GABBR2: variants seen among roughly 807,000 people sequenced by gnomAD.
GABBR2 encodes the protein gamma-aminobutyric acid type B receptor subunit 2, also known as G-protein coupled receptor 51.
A neutral mutation model predicts 105.6 loss-of-function variants in GABBR2; 23 were observed. The ratio of observed to expected loss-of-function variants is 0.22; its 90% CI spans 0.16 to 0.31. The LOEUF (loss-of-function observed/expected upper bound fraction) is 0.31, where lower values mean the gene tolerates loss of function less well. GABBR2 is among the 10% of genes least tolerant of loss of function. The pLI is 1.00. For synonymous variants in GABBR2, 478 were observed against 499.7 expected, an observed-to-expected ratio of 0.96 and a Z score of 0.58; for missense variants, 734 against 1,245.5, an observed-to-expected ratio of 0.59 and a Z score of 6.18.
At chr9:98,532,509 T>G (rs1828086124) in intron 3 of GABBR2, among the ~76,000 whole-genome samples, 2 of 152,180 alleles carry the variant, frequency 1.3e-5, no homozygotes, top group Non-Finnish European at 2.9e-5. Context: ...GCCCAGGTGA[T>G]CCTGCAGCCA....
chr9:98,390,375 C>CAAAAAAAAAAAAA lies in GABBR2; in HGVS notation c.1379-1384_1379-1372dup, dbSNP rs61216428. Reference sequence around the variant, plus strand: ...GGTGACAGAGCAAGACTCCATCTCACAAAAAAAAAAAAAAAAAAAAAAAAA... The same window carrying CAAAAAAAAAAAAA: ...GGTGACAGAGCAAGACTCCATCTCACAAAAAAAAAAAAAAAAAAAAAAAAAAAAAAAAAAAAAA... On this transcript the variant is annotated intron_variant, in intron 9 of 18. Transcript: ENST00000259455. Among the ~76,000 whole-genome samples the CAAAAAAAAAAAAA allele has an allele frequency of 2.2e-3, 70 of 32,432 alleles. 10 individuals are homozygous for CAAAAAAAAAAAAA. Among genetic ancestry groups the CAAAAAAAAAAAAA allele is most frequent in the African/African-American group, 6.6e-3 (66 of 9,942 alleles). The allele number at this position is 32,432 out of a possible 152,430, so 21.3% of individuals were successfully genotyped here. A position where few individuals can be genotyped will look rare whatever the true frequency, so the allele number is the denominator to read the frequency against.
intron 5 of GABBR2, among the ~76,000 whole-genome samples, chr9:98,476,081 AC>A (rs1437822066): frequency 6.6e-6 from 1 of 152,160 alleles, no homozygotes; most frequent in Non-Finnish European, 1.5e-5. Flanking sequence ...AAACAAACAA[AC>A]AAAAAAACTC....
At chr9:98,364,145 G>A (rs1159927712) in intron 12 of GABBR2, among the ~76,000 whole-genome samples, 2 of 152,166 alleles carry the variant, frequency 1.3e-5, no homozygotes, top group African/African-American at 2.4e-5. Flanking sequence ...CTGGGGGCAG[G>A]GCACCGGCAA....
chr9:98,530,769 G>A (rs1037427927), intron 3 of GABBR2, among the ~76,000 whole-genome samples: 9 of 152,116 alleles, frequency 5.9e-5, no homozygotes, highest in Non-Finnish European at 1.5e-5. Context: ...GGATGATGGA[G>A]GGTAACCCCA....
intron 17 of GABBR2, among the ~76,000 whole-genome samples, chr9:98,294,668 G>T (rs530195445): frequency 1.0e-3 from 154 of 152,184 alleles, no homozygotes; most frequent in African/African-American, 3.5e-3. Flanking sequence ...AGTAGAGATG[G>T]GGTTTCACCA....
intron 10 of GABBR2, 99 bp from the exon 11 acceptor site, chr9:98,385,871 C>A (rs770107301): frequency 2.1e-6 from 2 of 957,478 alleles, no homozygotes; most frequent in African/African-American, 1.6e-5. Flanking sequence ...TATTGTTGCT[C>A]AGGCTAGAGG....
chr9:98,463,894 C>T lies in GABBR2; in HGVS notation c.999+9252G>A, dbSNP rs112464315. Among the ~76,000 whole-genome samples the T allele has an allele frequency of 8.2e-3, 1,255 of 152,318 alleles. 10 individuals carry two copies. The highest frequency in any genetic ancestry group is 0.011 in the Non-Finnish European group (743 of 68,040). Reference sequence around the variant, plus strand: ...CGGGTGATCTGCCCGCCTCGGCCTCCCAAGGTGCTGGGATTGCAGATGGAG... The same window carrying T: ...CGGGTGATCTGCCCGCCTCGGCCTCTCAAGGTGCTGGGATTGCAGATGGAG... On this transcript the variant is annotated intron_variant, in intron 6 of 18. Coordinates refer to ENST00000259455, the MANE Select transcript of GABBR2 (RefSeq NM_005458.8).
rs114617558 is a variant in GABBR2, at chr9:98,354,632, T to C, written c.1893+8083A>G. On this transcript the variant is annotated intron_variant, in intron 13 of 18. Transcript: ENST00000259455. ...TCATGAACCAGCCTCTGTTAGCTTT[T>C]AATTTTTCTTCTGCAACTTCCTCAC... is the stretch of plus-strand genomic sequence containing the variant. 8.4e-3 allele frequency among the ~76,000 whole-genome samples: 1,279 copies of C among 152,350 alleles called. 32 individuals carry two copies. The highest frequency in any genetic ancestry group is 0.029 in the African/African-American group (1,203 of 41,576).
intron 1 of GABBR2, among the ~76,000 whole-genome samples, chr9:98,578,276 C>A (rs974257570): frequency 6.6e-6 from 1 of 152,110 alleles, no homozygotes; most frequent in Non-Finnish European, 1.5e-5. Flanking sequence ...TCTCTGCTCC[C>A]GCTAAGTGCC....
intron 15 of GABBR2, among the ~76,000 whole-genome samples, chr9:98,304,905 A>G (rs10985800): frequency 0.054 from 8,253 of 151,590 alleles, 373 homozygotes; most frequent in Middle Eastern, 0.15. Context: ...CTGAGTAGCC[A>G]GGACTACAGG....
At chr9:98,673,703 C>A (rs1198795090) in intron 1 of GABBR2, among the ~76,000 whole-genome samples, 1 of 152,042 alleles carries the variant, frequency 6.6e-6, no homozygotes, top group Admixed American at 6.6e-5. Flanking sequence ...AATAAGCACC[C>A]GAGTACAATT....
chr9:98,366,926 T>G (rs1831687481), intron 12 of GABBR2, among the ~76,000 whole-genome samples: 1 of 152,176 alleles, frequency 6.6e-6, no homozygotes, highest in Non-Finnish European at 1.5e-5. Flanking sequence ...ATTTCTACTC[T>G]TGTTTCAACA....
Position 98,440,929 on chromosome 9 carries a change from G to C in GABBR2, c.1236+13052C>G, listed in dbSNP as rs182652405. Among the ~76,000 whole-genome samples, 18 of 152,300 alleles carry C rather than the reference G, an allele frequency of 1.2e-4. No individual in the cohort carries two copies. In the East Asian group the frequency reaches 2.9e-3, roughly 24 times the overall value. On this transcript the variant is annotated intron_variant, in intron 7 of 18. Coordinates refer to ENST00000259455, the MANE Select transcript of GABBR2 (RefSeq NM_005458.8). ...GCTAACATACCTTGACACACACACA[G>C]AGAGGGAGATTCTGGTCTCACACCA...
rs571039824 is a variant in GABBR2 at position 98,391,140 on chromosome 9, A to G, written c.1379-2136T>C. The stretch of plus-strand genomic sequence containing the variant: ...CTCCCATCTGTCAGGCCTGAGACTG[A>G]GCACCAATGATACAAAGATGAAAAA... On this transcript the variant is annotated intron_variant, in intron 9 of 18. Transcript: ENST00000259455. 4.8e-4 allele frequency among the ~76,000 whole-genome samples: 73 copies of G among 152,338 alleles called. 1 individual carries two copies. The highest frequency in any genetic ancestry group is 1.7e-3 in the African/African-American group (69 of 41,588).
chr9:98,435,968 G>A (rs1258322054), intron 7 of GABBR2, among the ~76,000 whole-genome samples: 3 of 151,820 alleles, frequency 2.0e-5, no homozygotes, highest in South Asian at 2.1e-4. Flanking sequence ...ATGGTTATTC[G>A]GATGATTATC....
At chr9:98,487,211 T>C (rs1326070628) in intron 4 of GABBR2, among the ~76,000 whole-genome samples, 2 of 152,152 alleles carry the variant, frequency 1.3e-5, no homozygotes, top group Non-Finnish European at 2.9e-5. Flanking sequence ...AGATGCACCA[T>C]GTGTATTCTG....
At chr9:98,317,361 C>T (rs1014105847) in intron 13 of GABBR2, among the ~76,000 whole-genome samples, 1 of 152,218 alleles carries the variant, frequency 6.6e-6, no homozygotes, top group South Asian at 2.1e-4. Context: ...AGTCCCTCTG[C>T]ATAATGCAAT....
Position 98,544,143 on chromosome 9 carries a change from A to G in GABBR2, c.460-2100T>C, listed in dbSNP as rs1432329373. On this transcript the variant is annotated intron_variant, in intron 2 of 18. Transcript: ENST00000259455. ...ATCTCCCCAAACCCTTGCTTGTCCCAGCAGCAGCTCTGGATTTGATCCATC... is the reference window on the plus strand; with the variant it reads ...ATCTCCCCAAACCCTTGCTTGTCCCGGCAGCAGCTCTGGATTTGATCCATC... 2.0e-5 allele frequency among the ~76,000 whole-genome samples: 3 copies of G among 151,946 alleles called. No homozygotes were observed. The East Asian group carries it at 5.8e-4, about 29-fold the overall frequency.
intron 5 of GABBR2, among the ~76,000 whole-genome samples, chr9:98,475,361 A>C (rs1350232056): frequency 6.6e-6 from 1 of 151,692 alleles, no homozygotes; most frequent in Non-Finnish European, 1.5e-5. Context: ...AAAAAAAAGA[A>C]AAGAAAAGAA....
Sources: allele counts gnomAD v4.1 joint callset (sites outside exome capture counted in the v4.1 genomes callset), GRCh38; gene constraint gnomAD v4.1.1; transcripts MANE v1.5; gene names NCBI Gene and HGNC (gene_info 2026-07-23, HGNC 2026-07-21).